TEAD2: variants seen among roughly 807,000 people sequenced by gnomAD.
The protein encoded by TEAD2 is transcriptional enhancer factor TEF-4.
A neutral mutation model predicts 61.4 loss-of-function variants in TEAD2; 51 were observed. The observed-to-expected ratio is 0.83, with a 90% CI of 0.66 to 1.05. The LOEUF (loss-of-function observed/expected upper bound fraction) is 1.05, where lower values mean the gene tolerates loss of function less well. Among genes scored for constraint, TEAD2 ranks in the 50% least tolerant of loss-of-function variants. The probability of loss-of-function intolerance (pLI) is 0.00; values close to 1 mark genes in which losing one functional copy is unlikely to be tolerated. For synonymous variants in TEAD2, 244 were observed against 243.2 expected (o/e 1.00, Z -0.03); for missense variants, 509 against 600.0 (o/e 0.85, Z 1.58).
At chr19:49,342,093 G>A (rs996563568) in intron 12 of TEAD2, among the ~76,000 whole-genome samples, 1 of 152,120 alleles carries the variant, frequency 6.6e-6, no homozygotes, top group Non-Finnish European at 1.5e-5. Context: ...TCGGGAGGCT[G>A]AGGCAGGAGA....
rs370108099 is a variant in TEAD2, at chr19:49,347,218, G to C, written c.893C>G (p.Pro298Arg). Residue 298 changes from proline (P) to arginine (R), a missense_variant, in exon 10 of 13, where the codon CCC (proline) becomes CGC (arginine). Coordinates refer to ENST00000593945, the MANE Select transcript of TEAD2 (RefSeq NM_001256660.2). ...GLRELYDRGP[P>R]HAFFLVKFWA... ...GAACTTGACCAGGAAGAAGGCATGG[G>C]GGGGGCCACGATCATATAGCTCTCG... 137 of 1,614,058 alleles carry C rather than the reference G, an allele frequency of 8.5e-5. No individual in the cohort carries two copies. The highest frequency in any genetic ancestry group is 3.3e-4 in the Admixed American group (20 of 59,998).
At chr19:49,355,021 G>GCATACATACATA (rs113350132) in intron 7 of TEAD2, 127 bp downstream of exon 7, 128,298 of 629,782 alleles carry the variant, frequency 0.2, 12,967 homozygotes, top group Non-Finnish European at 0.24. Flanking sequence ...ATACATACAT[G>GCATACATACATA]CATACATACA....
At chr19:49,342,648 C>T in intron 11 of TEAD2, 58 bp from the exon 12 acceptor site, 1 of 1,586,712 alleles carries the variant, frequency 6.3e-7, no homozygotes, top group Non-Finnish European at 8.6e-7. Flanking sequence ...CGGGTCACCC[C>T]AGGAATTGAG....
chr19:49,358,158 C>T (rs1302866651), intron 3 of TEAD2, among the ~76,000 whole-genome samples: 2 of 152,186 alleles, frequency 1.3e-5, no homozygotes, highest in African/African-American at 4.8e-5. Context: ...CGCTTGAACC[C>T]GGGAGGCGGG....
chr19:49,347,925 G>A (rs116909871), intron 9 of TEAD2, among the ~76,000 whole-genome samples: 2,261 of 152,332 alleles, frequency 0.015, 26 homozygotes, highest in Non-Finnish European at 0.023. Flanking sequence ...CCTTTACACA[G>A]TGTGAAACTA....
At chr19:49,357,148 G>T in intron 4 of TEAD2, 104 bp downstream of exon 4, 1 of 1,173,346 alleles carries the variant, frequency 8.5e-7, no homozygotes. Context: ...CCCGCTCTAA[G>T]TCTCTGTCCC....
In TEAD2 at chr19:49,359,371, T is replaced by C. The variant is rs147962881; in HGVS notation, c.297+64A>G. 2.6e-6 allele frequency: 4 copies of C among 1,509,764 alleles called. No homozygotes were observed. Among genetic ancestry groups the C allele is most frequent in the Non-Finnish European group, 3.7e-6 (4 of 1,087,272 alleles). The allele number at this position is 1,509,764 out of a possible 1,614,324, so 93.5% of individuals were successfully genotyped here. A position where few individuals can be genotyped will look rare whatever the true frequency, so the allele number is the denominator to read the frequency against. On this transcript the variant is annotated intron_variant, in intron 3 of 12. Transcript: ENST00000593945. This position sits in a 1 kb window ranked among gnomAD's most constrained non-coding sequence, Gnocchi z 4.1. The stretch of plus-strand genomic sequence containing the variant: ...TCTTCCTTGAACCTGAACCTGCCCA[T>C]GCGAGGATGACCCTAAGAAGACCGG...
chr19:49,357,737 A>G (rs182486535), intron 3 of TEAD2: 1 of 234,990 alleles, frequency 4.3e-6, no homozygotes, highest in East Asian at 9.1e-5. Flanking sequence ...ATGGAGGTGA[A>G]CCCCTCATGA....
At chr19:49,357,222 C>T in intron 4 of TEAD2, 30 bp downstream of exon 4, 2 of 1,608,930 alleles carry the variant, frequency 1.2e-6, no homozygotes, top group Non-Finnish European at 1.7e-6. Context: ...GTCTCTGTCC[C>T]CCTCTCAGGA....
chr19:49,348,688 C>T lies in TEAD2; in HGVS notation c.747+15G>A. 6.2e-7 allele frequency: 1 copy of T among 1,612,574 alleles called. No individual in the cohort carries two copies. Among genetic ancestry groups the T allele is most frequent in the Non-Finnish European group, 8.5e-7 (1 of 1,178,656 alleles). ...TTTCAAAATCCCTCAGCGACTGTACCAAAATTTCACTCACAGAATCAACTG... is the reference window on the plus strand; with the variant it reads ...TTTCAAAATCCCTCAGCGACTGTACTAAAATTTCACTCACAGAATCAACTG... On this transcript the variant is annotated intron_variant, in intron 9 of 12. Transcript: ENST00000593945.
At chr19:49,357,760 C>T (rs1326723560) in intron 3 of TEAD2, 1 of 208,844 alleles carries the variant, frequency 4.8e-6, no homozygotes, top group African/African-American at 2.2e-5. Context: ...GGCTTTGCAC[C>T]ATCTCCTTGA....
At chr19:49,348,491 AG>A in intron 9 of TEAD2, among the ~76,000 whole-genome samples, 1 of 80,746 alleles carries the variant, frequency 1.2e-5, no homozygotes, top group Middle Eastern at 8.1e-3. Context: ...TCCCCAGACC[AG>A]CTGCATCAAC....
At chr19:49,355,688 G>A (rs1371053241) in intron 5 of TEAD2, among the ~76,000 whole-genome samples, 2 of 152,110 alleles carry the variant, frequency 1.3e-5, no homozygotes, top group African/African-American at 2.4e-5. Context: ...CTAGCCAGGT[G>A]TGGTGGTGCA....
chr19:49,342,450 GAA>G lies in TEAD2; in HGVS notation c.1228_1229del (p.Phe410HisfsTer75). The G allele has an allele frequency of 6.2e-7, 1 of 1,613,700 alleles. No homozygotes were observed. The highest frequency in any genetic ancestry group is 8.5e-7 in the Non-Finnish European group (1 of 1,179,582). On this transcript the variant is annotated frameshift_variant, in exon 12 of 13. Coordinates refer to ENST00000593945, the MANE Select transcript of TEAD2 (RefSeq NM_001256660.2). LOFTEE classifies it high-confidence loss of function. ...RYMMNSVLEN[F>X]TILQVVTNRD... ...CCCCAGGCATCACCTGGAGGATGGT[GAA>G]GTTTTCCAGGACGCTGTTCATCATG... is the stretch of plus-strand genomic sequence containing the variant.
intron 10 of TEAD2, among the ~76,000 whole-genome samples, chr19:49,345,067 C>A (rs1207054629): frequency 6.6e-6 from 1 of 152,202 alleles, no homozygotes; most frequent in Non-Finnish European, 1.5e-5. Context: ...TGAACCCCTT[C>A]AGCAGCTGGG....
At chr19:49,350,359 G>T (rs907286977) in intron 8 of TEAD2, among the ~76,000 whole-genome samples, 1 of 151,632 alleles carries the variant, frequency 6.6e-6, no homozygotes, top group Admixed American at 6.6e-5. Flanking sequence ...TTGCTCTGTC[G>T]CCCAGTCTGG....
chr19:49,354,891 G>A (rs770287186), intron 7 of TEAD2, among the ~76,000 whole-genome samples: 4 of 152,002 alleles, frequency 2.6e-5, no homozygotes, highest in African/African-American at 4.8e-5. Context: ...CCAGCTACTC[G>A]GGAGGCTGAG....
rs567984401 is a variant in TEAD2, at chr19:49,360,211, G to C, written c.-6-130C>G. The stretch of plus-strand genomic sequence containing the variant: ...GCTGGGGACCTGGACTCCTGGGTCT[G>C]AGGGAAGAGGAGCTGGGGGGTATTC... On this transcript the variant is annotated intron_variant, in intron 1 of 12. Coordinates refer to ENST00000593945, the MANE Select transcript of TEAD2 (RefSeq NM_001256660.2). 141 of 689,842 alleles carry C rather than the reference G, an allele frequency of 2.0e-4. 1 individual carries two copies. In the African/African-American group the frequency reaches 2.4e-3, roughly 12 times the overall value. 42.7% of individuals were successfully genotyped at this position (689,842 alleles called of 1,614,324 possible).
chr19:49,348,012 A>C (rs1354678213), intron 9 of TEAD2, among the ~76,000 whole-genome samples: 1 of 152,284 alleles, frequency 6.6e-6, no homozygotes, highest in African/African-American at 2.4e-5. Context: ...CAGGCCTGAG[A>C]GTCGACACAT....
Sources: allele counts gnomAD v4.1 joint callset (sites outside exome capture counted in the v4.1 genomes callset), GRCh38; gene constraint gnomAD v4.1.1; non-coding constraint Gnocchi (gnomAD v3.1); transcripts MANE v1.5; gene names NCBI Gene and HGNC (gene_info 2026-07-23, HGNC 2026-07-21).